Variants in STOX1 observed in about 807,000 individuals in gnomAD.
The protein encoded by STOX1 is storkhead-box protein 1.
In STOX1, 57 loss-of-function variants were observed where a neutral mutation model predicts 74.8. The ratio of observed to expected loss-of-function variants is 0.76; its 90% confidence interval spans 0.62 to 0.95. The LOEUF is 0.95. Among genes scored for constraint, STOX1 ranks in the 40% least tolerant of loss-of-function variants. The pLI, the probability that STOX1 is intolerant of heterozygous loss-of-function variation, is 0.00. For synonymous variants in STOX1, 375 were observed against 401.3 expected, an observed-to-expected ratio of 0.93 and a Z score of 0.78; for missense variants, 1,010 against 1,117.0, an observed-to-expected ratio of 0.90 and a Z score of 1.37.
chr10:68,834,940 T>G (rs1589214318), intron 1 of STOX1, among the ~76,000 whole-genome samples: 1 of 152,148 alleles, frequency 6.6e-6, no homozygotes. Flanking sequence ...GCCAGGCTGG[T>G]CTCAGACTCA....
intron 3 of STOX1, among the ~76,000 whole-genome samples, chr10:68,888,083 A>ACGCACACACACG (rs1841009646): frequency 6.6e-6 from 1 of 151,796 alleles, no homozygotes; most frequent in East Asian, 1.9e-4. Context: ...GCGCGCACAC[A>ACGCACACACACG]CGCACACACA....
rs199857341 is a variant in STOX1, at chr10:68,886,585, G to C, written c.2789G>C (p.Ser930Thr). 1 of 1,614,142 alleles carries C rather than the reference G, an allele frequency of 6.2e-7. No homozygotes were observed. Among genetic ancestry groups the C allele is most frequent in the Admixed American group, 1.7e-5 (1 of 60,016 alleles). Residue 930 changes from serine to threonine, a missense_variant, in exon 3 of 4, where the codon AGC becomes ACC. Coordinates refer to ENST00000298596, the MANE Select transcript of STOX1 (RefSeq NM_152709.5). ...CACTTGGAAGGGACAGAAAATCACA[G>C]CATGGCAGGAGATAGTGGAATAGAT... ...HSHLEGTENH[S>T]MAGDSGIDSP...
chr10:68,827,605 C>A lies in STOX1; in HGVS notation c.-19C>A. 1 of 1,140,372 alleles carries A rather than the reference C, an allele frequency of 8.8e-7. No individual in the cohort carries two copies. Among genetic ancestry groups the A allele is most frequent in the South Asian group, 4.1e-5 (1 of 24,422 alleles). The allele number at this position is 1,140,372 out of a possible 1,614,324, so 70.6% of individuals were successfully genotyped here. A position where few individuals can be genotyped will look rare whatever the true frequency, so the allele number is the denominator to read the frequency against. On this transcript the variant is annotated 5_prime_UTR_variant, in exon 1 of 4. Transcript: ENST00000298596. Reference sequence around the variant, plus strand: ...TCGCCGAGGCCCTGCGTTGCGGGCTCCCGGCCGCCGGCGAAAGCATGGCCC... The same window carrying A: ...TCGCCGAGGCCCTGCGTTGCGGGCTACCGGCCGCCGGCGAAAGCATGGCCC...
In STOX1 at chr10:68,884,088, G is replaced by A. The variant is rs199998793; in HGVS notation, c.464-172G>A. 7.2e-5 allele frequency among the ~76,000 whole-genome samples: 11 copies of A among 152,206 alleles called. No individual in the cohort carries two copies. In the East Asian group the frequency reaches 1.5e-3, roughly 21 times the overall value. Reference sequence around the variant, plus strand: ...CCTGCCTCAGCCTCCCAAAACTCTGGGATTATAGGCATGAGCCATCACACC... The same window carrying A: ...CCTGCCTCAGCCTCCCAAAACTCTGAGATTATAGGCATGAGCCATCACACC... On this transcript the variant is annotated intron_variant, in intron 2 of 3. Coordinates refer to ENST00000298596, the MANE Select transcript of STOX1 (RefSeq NM_152709.5).
intron 1 of STOX1, among the ~76,000 whole-genome samples, chr10:68,862,144 C>G (rs1840281042): frequency 6.6e-6 from 1 of 152,046 alleles, no homozygotes; most frequent in African/African-American, 2.4e-5. Flanking sequence ...GCAACTCCAG[C>G]TGCTGCACCA....
At chr10:68,832,065 C>T (rs1382220970) in intron 1 of STOX1, among the ~76,000 whole-genome samples, 1 of 151,812 alleles carries the variant, frequency 6.6e-6, no homozygotes, top group Admixed American at 6.6e-5. Flanking sequence ...GCACCTGGCT[C>T]AAATGTTTTG....
At chr10:68,849,047 TGTCCTGGA>T (rs1839919548) in intron 1 of STOX1, among the ~76,000 whole-genome samples, 4 of 152,236 alleles carry the variant, frequency 2.6e-5, no homozygotes, top group African/African-American at 9.6e-5. Context: ...CATCTCAGGC[TGTCCTGGA>T]GGCCTCATTC....
At chr10:68,862,945 G>T (rs557389910) in intron 1 of STOX1, among the ~76,000 whole-genome samples, 48 of 152,206 alleles carry the variant, frequency 3.2e-4, no homozygotes, top group Admixed American at 2.2e-3. Context: ...ATTCATTATG[G>T]TAAGTGTGGA....
intron 1 of STOX1, among the ~76,000 whole-genome samples, chr10:68,865,503 G>A (rs913611668): frequency 3.3e-5 from 5 of 152,128 alleles, no homozygotes; most frequent in Non-Finnish European, 4.4e-5. Flanking sequence ...CAAAAAATTA[G>A]CCAGGCGTGG....
chr10:68,857,437 G>A (rs561842414), intron 1 of STOX1, among the ~76,000 whole-genome samples: 2 of 152,188 alleles, frequency 1.3e-5, no homozygotes, highest in South Asian at 4.1e-4. Context: ...CTGGGAGCCA[G>A]GTCAGCTCTG....
rs554602897 is a variant in STOX1, at chr10:68,883,702, C to T, written c.464-558C>T. ...GTGCTGGGATTACAGGTGTGAGCCA[C>T]CATGCCTGGCCTATTCCTATTATTT... On this transcript the variant is annotated intron_variant, in intron 2 of 3. Coordinates refer to ENST00000298596, the MANE Select transcript of STOX1 (RefSeq NM_152709.5). 6.8e-4 allele frequency among the ~76,000 whole-genome samples: 103 copies of T among 151,152 alleles called. 1 individual carries two copies. The highest frequency in any genetic ancestry group is 2.3e-3 in the South Asian group (11 of 4,770).
intron 1 of STOX1, among the ~76,000 whole-genome samples, chr10:68,828,436 G>A (rs1839322617): frequency 6.6e-6 from 1 of 152,132 alleles, no homozygotes; most frequent in African/African-American, 2.4e-5. Context: ...AAGACGCCCC[G>A]GAGACGTTCC....
chr10:68,850,964 C>T (rs555441873), intron 1 of STOX1, among the ~76,000 whole-genome samples: 17 of 148,702 alleles, frequency 1.1e-4, no homozygotes, highest in African/African-American at 1.7e-4. Context: ...AGAGCGAGAC[C>T]GTGTCTCAAG....
At chr10:68,855,988 A>C (rs1449946483) in intron 1 of STOX1, among the ~76,000 whole-genome samples, 1 of 151,982 alleles carries the variant, frequency 6.6e-6, no homozygotes, top group African/African-American at 2.4e-5. Flanking sequence ...ACCATCCCCT[A>C]CTGTCTGTGA....
At chr10:68,865,542 G>A (rs1036202267) in intron 1 of STOX1, among the ~76,000 whole-genome samples, 3 of 152,122 alleles carry the variant, frequency 2.0e-5, no homozygotes, top group Admixed American at 1.3e-4. Flanking sequence ...CCAGCTACTC[G>A]GGAGGTTGAG....
chr10:68,844,671 G>T (rs1226677079), intron 1 of STOX1, among the ~76,000 whole-genome samples: 6 of 152,118 alleles, frequency 3.9e-5, no homozygotes, highest in Admixed American at 1.3e-4. Context: ...TTAAATTGTA[G>T]GATTTCTTCA....
At chr10:68,855,030 A>G (rs1469771843) in intron 1 of STOX1, among the ~76,000 whole-genome samples, 2 of 151,944 alleles carry the variant, frequency 1.3e-5, no homozygotes, top group Non-Finnish European at 2.9e-5. Flanking sequence ...AGGTGAGAGG[A>G]TCCCTTGAAC....
At chr10:68,835,692 G>T (rs755659170) in intron 1 of STOX1, among the ~76,000 whole-genome samples, 1 of 152,112 alleles carries the variant, frequency 6.6e-6, no homozygotes, top group African/African-American at 2.4e-5. Context: ...CCTTCTCATC[G>T]TATTATGCAT....
At chr10:68,873,000 A>C (rs1460037876) in intron 1 of STOX1, among the ~76,000 whole-genome samples, 1 of 151,646 alleles carries the variant, frequency 6.6e-6, no homozygotes, top group Non-Finnish European at 1.5e-5. Flanking sequence ...CTCAGATATC[A>C]AAATAAACAC....
Sources: allele counts gnomAD v4.1 joint callset (sites outside exome capture counted in the v4.1 genomes callset), GRCh38; gene constraint gnomAD v4.1.1; transcripts MANE v1.5; gene names NCBI Gene and HGNC (gene_info 2026-07-23, HGNC 2026-07-21).